The following MAN2A1 variants were observed in gnomAD, a reference collection of about 807,000 sequenced individuals.
MAN2A1 encodes the protein mannosidase alpha class 2A member 1.
Under a neutral mutation model 142.6 loss-of-function variants are expected in MAN2A1, and 76 were observed. The observed-to-expected ratio is 0.53, with a 90% CI of 0.44 to 0.65. The LOEUF is 0.65. Among genes scored for constraint, MAN2A1 ranks in the 30% least tolerant of loss-of-function variants. The pLI is 0.00. For missense variants in MAN2A1, 1,311 were observed against 1,365.1 expected (o/e 0.96, Z 0.62); for synonymous variants, 559 against 473.2 (o/e 1.18, Z -2.35).
At chr5:109,746,838 G>A (rs1471070221) in intron 4 of MAN2A1, among the ~76,000 whole-genome samples, 1 of 152,064 alleles carries the variant, frequency 6.6e-6, no homozygotes, top group Non-Finnish European at 1.5e-5. Flanking sequence ...TCTATTAGGT[G>A]CCTTATGTAC....
chr5:109,767,470 G>C, intron 5 of MAN2A1, 65 bp from the exon 6 acceptor site: 7 of 1,357,232 alleles, frequency 5.2e-6, no homozygotes, highest in Non-Finnish European at 7.2e-6. Context: ...GTCTGAATGT[G>C]TTGTGACTTC....
chr5:109,781,660 T>TAA, intron 9 of MAN2A1, 62 bp downstream of exon 9: 3 of 1,192,612 alleles, frequency 2.5e-6, no homozygotes, highest in Non-Finnish European at 3.5e-6. Flanking sequence ...AATCTTTTTG[T>TAA]AGAGTTTTAC....
chr5:109,865,979 A>G (rs2112451159), intron 21 of MAN2A1, among the ~76,000 whole-genome samples: 1 of 152,282 alleles, frequency 6.6e-6, no homozygotes, highest in South Asian at 2.1e-4. Flanking sequence ...ATAATGCTGT[A>G]GACCAGACTC....
At chr5:109,740,217 T>G (rs1752228122) in intron 4 of MAN2A1, among the ~76,000 whole-genome samples, 2 of 152,132 alleles carry the variant, frequency 1.3e-5, no homozygotes, top group Non-Finnish European at 2.9e-5. Flanking sequence ...TCCTGCAAGA[T>G]TATATGAGAA....
intron 12 of MAN2A1, among the ~76,000 whole-genome samples, chr5:109,791,564 A>G (rs1385325443): frequency 6.6e-6 from 1 of 151,192 alleles, no homozygotes; most frequent in Non-Finnish European, 1.5e-5. Context: ...CTTTTTTTTT[A>G]GTTATAAACA....
In MAN2A1 at chr5:109,857,286, A is replaced by G. The variant is rs1755649047; in HGVS notation, c.3171+1952A>G. Among the ~76,000 whole-genome samples, 3 of 152,226 alleles carry G rather than the reference A, an allele frequency of 2.0e-5. No homozygotes were observed. The South Asian group carries it at 6.2e-4, about 32-fold the overall frequency. ...CTCAAAAACTATTTTGAATCAGTGA[A>G]TTGTGTAGATGTTTTTTCTAGGATT... On this transcript the variant is annotated intron_variant, in intron 20 of 21. Coordinates refer to ENST00000261483, the MANE Select transcript of MAN2A1 (RefSeq NM_002372.4).
intron 3 of MAN2A1, among the ~76,000 whole-genome samples, chr5:109,724,435 G>T (rs553258250): frequency 1.3e-5 from 2 of 151,948 alleles, no homozygotes; most frequent in African/African-American, 4.8e-5. Context: ...TTAAAAAAAA[G>T]AAAATAAATT....
chr5:109,698,275 G>T (rs753264171), intron 1 of MAN2A1, among the ~76,000 whole-genome samples: 1 of 152,158 alleles, frequency 6.6e-6, no homozygotes, highest in Non-Finnish European at 1.5e-5. Context: ...TTGGAGGCAG[G>T]GTACTTTCAG....
intron 1 of MAN2A1, among the ~76,000 whole-genome samples, chr5:109,709,493 T>C (rs1208570623): frequency 1.3e-5 from 2 of 152,150 alleles, no homozygotes; most frequent in African/African-American, 4.8e-5. Flanking sequence ...CAGGAGAAGA[T>C]ACACAGATTC....
intron 3 of MAN2A1, among the ~76,000 whole-genome samples, chr5:109,724,238 C>T (rs1011762868): frequency 2.6e-5 from 4 of 151,780 alleles, no homozygotes; most frequent in African/African-American, 9.7e-5. Flanking sequence ...ACCTTAATTA[C>T]TAGATGAGAA....
Position 109,800,912 on chromosome 5 carries a change from T to G in MAN2A1, c.1943+11385T>G, listed in dbSNP as rs531292560. 6.6e-5 allele frequency among the ~76,000 whole-genome samples: 10 copies of G among 152,270 alleles called. No individual in the cohort carries two copies. In the East Asian group the frequency reaches 9.6e-4, roughly 15 times the overall value. On this transcript the variant is annotated intron_variant, in intron 12 of 21. Coordinates refer to ENST00000261483, the MANE Select transcript of MAN2A1 (RefSeq NM_002372.4). ...TGTAATCATTAGGCAATTAAATAAT[T>G]TATCCATAGTGATGAACCCTTATGG... is the stretch of plus-strand genomic sequence containing the variant.
At chr5:109,827,437 C>T (rs1242360609) in intron 16 of MAN2A1, among the ~76,000 whole-genome samples, 1 of 152,142 alleles carries the variant, frequency 6.6e-6, no homozygotes, top group Non-Finnish European at 1.5e-5. Flanking sequence ...GTAACTATTG[C>T]CCAAATTAAG....
At position 109,713,561 on chromosome 5, in the gene MAN2A1, G is replaced by A; in HGVS notation, c.177G>A (p.Glu59=). The A allele has an allele frequency of 6.2e-7, 1 of 1,613,288 alleles. No homozygotes were observed. Among genetic ancestry groups the A allele is most frequent in the East Asian group, 2.2e-5 (1 of 44,856 alleles). The change falls in exon 2 of 22, where the codon GAG becomes GAA. Residue 59 remains glutamate, a synonymous_variant. Transcript: ENST00000261483. ...SMLQEKIDHL[E]RLLAENNEII... ...TGCAAGAAAAAATAGACCATTTGGA[G>A]CGTTTGCTAGCTGAGAATAATGAGA...
chr5:109,701,829 T>C (rs2269198), intron 1 of MAN2A1, among the ~76,000 whole-genome samples: 26,413 of 152,112 alleles, frequency 0.17, 3,249 homozygotes, highest in East Asian at 0.64. Flanking sequence ...CCTTTTTCCA[T>C]TGGGGTGTTG....
chr5:109,867,010 A>G lies in MAN2A1; in HGVS notation c.*12A>G, dbSNP rs988226651. On this transcript the variant is annotated 3_prime_UTR_variant, in exon 22 of 22. Coordinates refer to ENST00000261483, the MANE Select transcript of MAN2A1 (RefSeq NM_002372.4). Reference sequence around the variant, plus strand: ...TCCAGTTGAGGTGAACCTGACTTTCACATTTGGATTGAGAATCATTGGCTT... The same window carrying G: ...TCCAGTTGAGGTGAACCTGACTTTCGCATTTGGATTGAGAATCATTGGCTT... 4.4e-6 allele frequency: 7 copies of G among 1,605,214 alleles called. No homozygotes were observed. The African/African-American group carries it at 6.7e-5, about 15-fold the overall frequency.
intron 1 of MAN2A1, among the ~76,000 whole-genome samples, chr5:109,694,044 A>G (rs1349198835): frequency 2.0e-5 from 3 of 152,188 alleles, no homozygotes; most frequent in African/African-American, 4.8e-5. Context: ...CTTACTATCT[A>G]TGGTGTGTAT....
chr5:109,789,582 G>C, intron 12 of MAN2A1, 55 bp downstream of exon 12: 8 of 1,257,338 alleles, frequency 6.4e-6, no homozygotes, highest in Non-Finnish European at 8.8e-6. Context: ...ATAGTTTTTG[G>C]TTTTATGGTT....
rs1755950018 is a variant in MAN2A1 at position 109,868,960 on chromosome 5, T to TC, written c.*1962_*1963insC. ...AAATAAAAAAAAAATCTTGATGCAA[T>TC]AACAGTGGTTTTGCCACTTCTGGTT... On this transcript the variant is annotated 3_prime_UTR_variant, in exon 22 of 22. Transcript: ENST00000261483. 6.6e-6 allele frequency: 1 copy of TC among 152,194 alleles called. No individual in the cohort carries two copies. The highest frequency in any genetic ancestry group is 1.5e-5 in the Non-Finnish European group (1 of 68,026). The allele number at this position is 152,194 out of a possible 1,614,324, so 9.4% of individuals were successfully genotyped here.
intron 5 of MAN2A1, among the ~76,000 whole-genome samples, chr5:109,764,679 A>G (rs1461657986): frequency 6.6e-6 from 1 of 152,118 alleles, no homozygotes; most frequent in Non-Finnish European, 1.5e-5. Flanking sequence ...ACCCCTCTGG[A>G]TCCAACGGTT....
Sources: allele counts gnomAD v4.1 joint callset (sites outside exome capture counted in the v4.1 genomes callset), GRCh38; gene constraint gnomAD v4.1.1; transcripts MANE v1.5; gene names NCBI Gene and HGNC (gene_info 2026-07-23, HGNC 2026-07-21).